The following PCDHGA6 variants were observed in gnomAD, a reference collection of about 807,000 sequenced individuals.
PCDHGA6 encodes protocadherin gamma subfamily A, 6, also known as protocadherin gamma-A6.
PCDHGA6 carries 41 observed loss-of-function variants against 60.6 expected under a neutral mutation model. The ratio of observed to expected loss-of-function variants is 0.68; its 90% CI spans 0.53 to 0.88. The LOEUF is 0.88. Ranked by LOEUF, PCDHGA6 falls within the 40% of genes least tolerant of loss-of-function variation. PCDHGA6 has a pLI of 0.00. For missense variants in PCDHGA6, 1,312 were observed against 1,203.0 expected, an observed-to-expected ratio of 1.09 and a Z score of -1.34; for synonymous variants, 594 against 524.4, an observed-to-expected ratio of 1.13 and a Z score of -1.81.
intron 1 of PCDHGA6, chr5:141,422,116 T>A (rs753281558): frequency 2.5e-6 from 4 of 1,604,730 alleles, no homozygotes; most frequent in Non-Finnish European, 3.4e-6. Context: ...CCAATTGGAT[T>A]CACAAACTGG....
At chr5:141,389,036 G>A in intron 1 of PCDHGA6, 1 of 1,613,928 alleles carries the variant, frequency 6.2e-7, no homozygotes, top group Non-Finnish European at 8.5e-7. Flanking sequence ...CTTGTAAATT[G>A]GAAGGTGATG....
chr5:141,409,751 C>G lies in PCDHGA6; in HGVS notation c.2424+33244C>G, dbSNP rs774810318. The G allele has an allele frequency of 1.5e-5, 25 of 1,613,000 alleles. No homozygotes were observed. In the Admixed American group the frequency reaches 4.0e-4, roughly 26 times the overall value. The stretch of plus-strand genomic sequence containing the variant: ...CGCGCAGAGCGGGGTGGTGTTCGCG[C>G]AGCGCGCCTTTGATCACGAGCAGCT... On this transcript the variant is annotated intron_variant, in intron 1 of 3. Coordinates refer to ENST00000517434, the MANE Select transcript of PCDHGA6 (RefSeq NM_018919.3).
chr5:141,499,275 C>T (rs1259707742), intron 2 of PCDHGA6, among the ~76,000 whole-genome samples: 1 of 152,178 alleles, frequency 6.6e-6, no homozygotes, highest in African/African-American at 2.4e-5. Flanking sequence ...CTAGACTGTT[C>T]TCTGATGGCT....
chr5:141,491,483 A>ACCTGCAGGTGAGCTCGG lies in PCDHGA6; in HGVS notation c.2425-3323_2425-3307dup. The ACCTGCAGGTGAGCTCGG allele has an allele frequency of 3.1e-6, 5 of 1,614,018 alleles. No individual in the cohort carries two copies. The highest frequency in any genetic ancestry group is 4.2e-6 in the Non-Finnish European group (5 of 1,180,012). ...GACTTCTATAAGCAGTCCAGCCCCAACCTGCAGGTGAGCTCGGACGGCACG... is the reference window on the plus strand; with the variant it reads ...GACTTCTATAAGCAGTCCAGCCCCAACCTGCAGGTGAGCTCGGCCTGCAGGTGAGCTCGGACGGCACG... On this transcript the variant is annotated intron_variant, in intron 1 of 3. Coordinates refer to ENST00000517434, the MANE Select transcript of PCDHGA6 (RefSeq NM_018919.3). The surrounding 1 kb of genome is among the most constrained non-coding windows in gnomAD (Gnocchi z 6.9).
chr5:141,475,628 C>T (rs2099366226), intron 1 of PCDHGA6, among the ~76,000 whole-genome samples: 1 of 152,116 alleles, frequency 6.6e-6, no homozygotes. Context: ...TTGGTTCGAT[C>T]CCCTTTCTTG....
chr5:141,492,552 T>A (rs1444534113), intron 1 of PCDHGA6, among the ~76,000 whole-genome samples: 1 of 152,084 alleles, frequency 6.6e-6, no homozygotes, highest in African/African-American at 2.4e-5. Context: ...CCGGGTCGCC[T>A]GGGGGGCGGC....
In PCDHGA6 at chr5:141,448,944, C is replaced by CAAAA. The variant is rs560691811; in HGVS notation, c.2425-45859_2425-45856dup. Among the ~76,000 whole-genome samples, 218 of 152,004 alleles carry CAAAA rather than the reference C, an allele frequency of 1.4e-3. 1 individual carries two copies. The highest frequency in any genetic ancestry group is 5.1e-3 in the African/African-American group (213 of 41,464). On this transcript the variant is annotated intron_variant, in intron 1 of 3. Coordinates refer to ENST00000517434, the MANE Select transcript of PCDHGA6 (RefSeq NM_018919.3). ...TGGGCGACAGAGCAAGACTGCAACTCAAAAAAACAAACAAACAAACAAAAA... is the reference window on the plus strand; with the variant it reads ...TGGGCGACAGAGCAAGACTGCAACTCAAAAAAAAAAACAAACAAACAAACAAAAA...
At chr5:141,437,264 A>G (rs2097872616) in intron 1 of PCDHGA6, among the ~76,000 whole-genome samples, 2 of 152,228 alleles carry the variant, frequency 1.3e-5, no homozygotes, top group South Asian at 2.1e-4. Context: ...TTTTATGTGT[A>G]TGACAGATGT....
At position 141,476,477 on chromosome 5, in the gene PCDHGA6, G is replaced by A; in HGVS notation, c.2425-18330G>A. 1.2e-6 allele frequency: 2 copies of A among 1,614,078 alleles called. No individual in the cohort carries two copies. Among genetic ancestry groups the A allele is most frequent in the South Asian group, 1.1e-5 (1 of 91,070 alleles). ...GGAGAACCCGCTGGAGCTGTTCAGC[G>A]TGGAAGTGGTGATCCAGGACATCAA... On this transcript the variant is annotated intron_variant, in intron 1 of 3. Transcript: ENST00000517434. This position sits in a 1 kb window ranked among gnomAD's most constrained non-coding sequence, Gnocchi z 7.6.
intron 1 of PCDHGA6, among the ~76,000 whole-genome samples, chr5:141,380,858 G>A (rs1193255513): frequency 6.6e-6 from 1 of 152,216 alleles, no homozygotes; most frequent in Non-Finnish European, 1.5e-5. Flanking sequence ...AAGACATTGA[G>A]AGCTATAACC....
At chr5:141,409,587 C>G (rs13184186) in intron 1 of PCDHGA6, 1 of 1,613,902 alleles carries the variant, frequency 6.2e-7, no homozygotes, top group Non-Finnish European at 8.5e-7. Context: ...GTCCACGTGG[C>G]CGAGAACAAC....
intron 1 of PCDHGA6, 175 bp downstream of exon 1, chr5:141,376,682 T>TTTTTTTTG (rs1773145441): frequency 1.3e-6 from 1 of 786,082 alleles, no homozygotes; most frequent in African/African-American, 1.9e-5. Flanking sequence ...TATCGTTTTT[T>TTTTTTTTG]TTTTTTTTTT....
At position 141,394,145 on chromosome 5, in the gene PCDHGA6, C is replaced by T. The variant is rs754958885; in HGVS notation, c.2424+17638C>T. The T allele has an allele frequency of 3.7e-6, 6 of 1,613,962 alleles. No homozygotes were observed. The East Asian group carries it at 8.9e-5, about 24-fold the overall frequency. On this transcript the variant is annotated intron_variant, in intron 1 of 3. Transcript: ENST00000517434. ...CTCAAATCGCTCTGCACGTGGCAGA[C>T]ATTAACGACAACCCTCCTACTTTCC...
intron 3 of PCDHGA6, among the ~76,000 whole-genome samples, chr5:141,510,504 G>A (rs371169260): frequency 1.3e-5 from 2 of 152,154 alleles, no homozygotes; most frequent in African/African-American, 4.8e-5. Flanking sequence ...AAGGAACTGA[G>A]AGCCCGTGTC....
At chr5:141,391,312 T>C (rs2092346265) in intron 1 of PCDHGA6, 1 of 151,466 alleles carries the variant, frequency 6.6e-6, no homozygotes, top group African/African-American at 2.4e-5. Flanking sequence ...GATTCTTTTT[T>C]TTTTCTTTTT....
chr5:141,478,106 G>A (rs1474192496), intron 1 of PCDHGA6: 1 of 1,613,928 alleles, frequency 6.2e-7, no homozygotes, highest in Non-Finnish European at 8.5e-7. Context: ...TACCCTCACT[G>A]TGTCAGTAAC....
chr5:141,418,840 C>A, intron 1 of PCDHGA6: 1 of 1,614,006 alleles, frequency 6.2e-7, no homozygotes, highest in Non-Finnish European at 8.5e-7. Context: ...GAGGATCTCT[C>A]TCAACACGGT....
chr5:141,443,561 C>T (rs1487096752), intron 1 of PCDHGA6, among the ~76,000 whole-genome samples: 3 of 152,118 alleles, frequency 2.0e-5, no homozygotes, highest in Non-Finnish European at 1.5e-5. Context: ...AATTCAAATG[C>T]TTTAAATGGA....
Position 141,477,483 on chromosome 5 carries a change from A to G in PCDHGA6, c.2425-17324A>G. The G allele has an allele frequency of 6.2e-7, 1 of 1,614,028 alleles. No individual in the cohort carries two copies. On this transcript the variant is annotated intron_variant, in intron 1 of 3. Coordinates refer to ENST00000517434, the MANE Select transcript of PCDHGA6 (RefSeq NM_018919.3). The surrounding 1 kb of genome is among the most constrained non-coding windows in gnomAD (Gnocchi z 4.9). ...TCCGACATCAATGACAACCCTCCAC[A>G]ATCTTCTCAATCTTCCTACGACGTT...
Sources: gnomAD v4.1 joint callset for allele counts (sites outside exome capture counted in the v4.1 genomes callset) on GRCh38, gnomAD v4.1.1 for gene constraint, Gnocchi (gnomAD v3.1) non-coding constraint, MANE v1.5 for transcripts, NCBI Gene and HGNC (gene_info 2026-07-23, HGNC 2026-07-21) for gene names.